CDC16: variants seen among roughly 807,000 people sequenced by gnomAD.
CDC16 encodes the protein cell division cycle 16.
In CDC16, 34 loss-of-function variants were observed where a neutral mutation model predicts 87.0. That is an observed-to-expected ratio of 0.39 (90% confidence interval 0.30 to 0.52). CDC16 has a LOEUF of 0.52. Among genes scored for constraint, CDC16 ranks in the 20% least tolerant of loss-of-function variants. CDC16 has a pLI of 0.74. For synonymous variants in CDC16, 263 were observed against 260.6 expected (o/e 1.01, Z -0.09); for missense variants, 653 against 751.9 (o/e 0.87, Z 1.54).
At chr13:114,268,000 C>G (rs985006521) in intron 17 of CDC16, among the ~76,000 whole-genome samples, 1 of 152,194 alleles carries the variant, frequency 6.6e-6, no homozygotes, top group Admixed American at 6.5e-5. Context: ...AGGTCCCTCA[C>G]CCAAACTGGG....
intron 17 of CDC16, among the ~76,000 whole-genome samples, chr13:114,271,115 G>A (rs1267704718): frequency 1.3e-5 from 2 of 151,816 alleles, no homozygotes; most frequent in Non-Finnish European, 2.9e-5. Context: ...TAGAGACGGG[G>A]TTTCACCACA....
chr13:114,247,334 T>A, intron 11 of CDC16: 1 of 54,106 alleles, frequency 1.8e-5, no homozygotes, highest in Non-Finnish European at 3.0e-5. Context: ...GATTTAAACA[T>A]TTTTTTTTTT....
Position 114,242,158 on chromosome 13 carries a change from A to G in CDC16, c.419A>G (p.Tyr140Cys), listed in dbSNP as rs199690530. 6.4e-5 allele frequency: 104 copies of G among 1,612,546 alleles called. No homozygotes were observed. The highest frequency in any genetic ancestry group is 8.4e-5 in the Non-Finnish European group (99 of 1,179,622). ...ATCTGTCTTCTACGCGGGAAAATCT[A>G]TGATGCTCTAGATAACCGAACCCTG... ...SSICLLRGKIYDALDNRTLAT... is the reference protein window; with the variant it reads ...SSICLLRGKICDALDNRTLAT... Residue 140 changes from tyrosine (Y) to cysteine (C), a missense_variant, in exon 6 of 18, where the codon TAT becomes TGT. Physicochemically the swap from Tyr to Cys is radical, Grantham distance 194. Transcript: ENST00000356221.
chr13:114,234,934 G>T lies in CDC16; in HGVS notation c.-151G>T. 1 of 442,738 alleles carries T rather than the reference G, an allele frequency of 2.3e-6. No homozygotes were observed. The highest frequency in any genetic ancestry group is 6.2e-4 in the Middle Eastern group (1 of 1,626). 27.4% of individuals were successfully genotyped at this position (442,738 alleles called of 1,614,324 possible). On this transcript the variant is annotated 5_prime_UTR_variant, in exon 1 of 18. Transcript: ENST00000356221. ...CTGGGTGGGGGGTGCGGGTGTGGGT[G>T]GGGACCTGCGGCCTTCGAGTCCGCG...
rs763788684 is a variant in CDC16, at chr13:114,259,449, A to G, written c.1314+51A>G. 3.9e-6 allele frequency: 4 copies of G among 1,014,640 alleles called. No homozygotes were observed. The African/African-American group carries it at 5.1e-5, about 13-fold the overall frequency. 62.9% of individuals were successfully genotyped at this position (1,014,640 alleles called of 1,614,324 possible). On this transcript the variant is annotated intron_variant, in intron 14 of 17. Coordinates refer to ENST00000356221, the MANE Select transcript of CDC16 (RefSeq NM_001078645.3). Reference sequence around the variant, plus strand: ...TACACATATACACCCCTGAGTGTTTACTGTTAAATGAGGAAAACAACACAG... The same window carrying G: ...TACACATATACACCCCTGAGTGTTTGCTGTTAAATGAGGAAAACAACACAG...
chr13:114,271,428 C>T (rs893980185), intron 17 of CDC16, among the ~76,000 whole-genome samples: 3 of 152,012 alleles, frequency 2.0e-5, no homozygotes, highest in East Asian at 1.9e-4. Flanking sequence ...TTTATTTCAT[C>T]GTGGCTTTTT....
intron 1 of CDC16, 46 bp downstream of exon 1, chr13:114,235,178 C>G (rs1273248546): frequency 2.5e-6 from 3 of 1,204,040 alleles, no homozygotes; most frequent in Non-Finnish European, 3.1e-6. Flanking sequence ...CTCGCCGGGT[C>G]TTTTTCCGCG....
chr13:114,235,208 CTG>C, intron 1 of CDC16, 76 bp downstream of exon 1: 2 of 1,032,592 alleles, frequency 1.9e-6, no homozygotes, highest in Non-Finnish European at 2.5e-6. Context: ...GCTGGGGTGA[CTG>C]TTGTCGGGGC....
chr13:114,242,843 C>T (rs17337940), intron 6 of CDC16, among the ~76,000 whole-genome samples: 2 of 152,192 alleles, frequency 1.3e-5, no homozygotes, highest in Non-Finnish European at 2.9e-5. Flanking sequence ...TTGGCAATGT[C>T]TGGAGATGTT....
chr13:114,269,350 A>C (rs2083452760), intron 17 of CDC16, among the ~76,000 whole-genome samples: 1 of 151,614 alleles, frequency 6.6e-6, no homozygotes, highest in African/African-American at 2.4e-5. Flanking sequence ...CATCAGTACA[A>C]GTCTCATAAG....
At chr13:114,241,713 A>T (rs1223866096) in intron 5 of CDC16, among the ~76,000 whole-genome samples, 22 of 152,146 alleles carry the variant, frequency 1.4e-4, no homozygotes, top group Non-Finnish European at 1.5e-5. Context: ...TTTTAAATGC[A>T]ATAAAAACTT....
intron 14 of CDC16, among the ~76,000 whole-genome samples, chr13:114,260,461 C>T (rs1324051961): frequency 6.6e-6 from 1 of 152,192 alleles, no homozygotes; most frequent in East Asian, 1.9e-4. Flanking sequence ...CACCTAGAAG[C>T]CTGCTAGAAG....
intron 12 of CDC16, among the ~76,000 whole-genome samples, chr13:114,254,931 G>A (rs1442401676): frequency 6.6e-6 from 1 of 152,136 alleles, no homozygotes; most frequent in African/African-American, 2.4e-5. Context: ...CTACCTGGAG[G>A]CTTCATCTGC....
Position 114,242,255 on chromosome 13 carries a change from A to G in CDC16, c.516A>G (p.Ser172=). The G allele has an allele frequency of 1.9e-6, 3 of 1,613,872 alleles. No individual in the cohort carries two copies. The highest frequency in any genetic ancestry group is 2.5e-6 in the Non-Finnish European group (3 of 1,179,936). Residue 172 remains serine (S), a synonymous_variant, in exon 6 of 18, where the codon TCA becomes TCG. Transcript: ENST00000356221. ...YCFEAFDLLT[S]HHMLTAQEEK... ...TTGAAGCGTTCGATCTTTTAACATC[A>G]CATCACATGCTGACAGCACAAGAAG... is the stretch of plus-strand genomic sequence containing the variant.
intron 5 of CDC16, among the ~76,000 whole-genome samples, chr13:114,239,876 T>C (rs2081456123): frequency 6.6e-6 from 1 of 152,234 alleles, no homozygotes; most frequent in African/African-American, 2.4e-5. Flanking sequence ...TTCTGTTTGC[T>C]TCAAAGTACA....
Position 114,234,953 on chromosome 13 carries a change from G to A in CDC16, c.-132G>A. ...GTGGGTGGGGACCTGCGGCCTTCGA[G>A]TCCGCGGCCTTCGAGTCCTGGGGCG... On this transcript the variant is annotated 5_prime_UTR_variant, in exon 1 of 18. Coordinates refer to ENST00000356221, the MANE Select transcript of CDC16 (RefSeq NM_001078645.3). 1.7e-6 allele frequency: 1 copy of A among 581,804 alleles called. No individual in the cohort carries two copies. The highest frequency in any genetic ancestry group is 2.5e-6 in the Non-Finnish European group (1 of 394,968). The allele number at this position is 581,804 out of a possible 1,614,324, so 36.0% of individuals were successfully genotyped here. A position where few individuals can be genotyped will look rare whatever the true frequency, so the allele number is the denominator to read the frequency against.
intron 5 of CDC16, among the ~76,000 whole-genome samples, chr13:114,240,500 TGC>T (rs577512241): frequency 4.3e-4 from 66 of 152,238 alleles, no homozygotes; most frequent in Middle Eastern, 6.8e-3. Flanking sequence ...TGAGCCACTG[TGC>T]CCGGCACAGT....
intron 10 of CDC16, 99 bp downstream of exon 10, chr13:114,246,148 T>C: frequency 1.8e-6 from 1 of 570,350 alleles, no homozygotes; most frequent in Non-Finnish European, 3.0e-6. Context: ...TTCAAGCAAA[T>C]GATGTTTTAT....
Position 114,257,236 on chromosome 13 carries a change from T to G in CDC16, c.1250+6T>G, listed in dbSNP as rs1233849770. On this transcript the variant is annotated splice_donor_region_variant and intron_variant, in intron 13 of 17. Coordinates refer to ENST00000356221, the MANE Select transcript of CDC16 (RefSeq NM_001078645.3). Reference sequence around the variant, plus strand: ...GTTGCATTTCAGAATGGAGAGTAAGTACTGGAAGACCAGAAACCCTTCTGT... The same window carrying G: ...GTTGCATTTCAGAATGGAGAGTAAGGACTGGAAGACCAGAAACCCTTCTGT... 1.2e-6 allele frequency: 2 copies of G among 1,600,994 alleles called. No homozygotes were observed. The highest frequency in any genetic ancestry group is 2.2e-5 in the South Asian group (2 of 89,902).
Sources: allele counts gnomAD v4.1 joint callset (sites outside exome capture counted in the v4.1 genomes callset), GRCh38; gene constraint gnomAD v4.1.1; transcripts MANE v1.5; gene names NCBI Gene and HGNC (gene_info 2026-07-23, HGNC 2026-07-21).